The following FLNA variants were observed in gnomAD, a reference collection of about 807,000 sequenced individuals.
FLNA encodes the protein filamin A, also known as filamin-A.
In FLNA, 7 loss-of-function variants were observed where a neutral mutation model predicts 157.6. The observed-to-expected ratio is 0.04, with a 90% CI of 0.03 to 0.08. The LOEUF (loss-of-function observed/expected upper bound fraction) is 0.08, where lower values mean the gene tolerates loss of function less well. Ranked by LOEUF, FLNA falls within the 10% of genes least tolerant of loss-of-function variation. The pLI is 1.00. For synonymous variants in FLNA, 1,103 were observed against 1,060.8 expected, an observed-to-expected ratio of 1.04 and a Z score of -0.77; for missense variants, 1,750 against 2,398.4, an observed-to-expected ratio of 0.73 and a Z score of 5.65.
In FLNA at chrX:154,357,519, G is replaced by C. The variant is rs782019231; in HGVS notation, c.4860C>G (p.Ile1620Met). ...PDVTGRYTIL[I>M]KYGGDEIPFS... ...AGGGGATCTCGTCACCACCGTACTT[G>C]ATGAGGATGGTGTAGCGACCTGTCA... Residue 1620 changes from isoleucine to methionine, a missense_variant, in exon 29 of 48, where the codon ATC (isoleucine) becomes ATG (methionine). By Grantham distance (10) the Ile-to-Met change is conservative. Coordinates refer to ENST00000369850, the MANE Select transcript of FLNA (RefSeq NM_001110556.2). The C allele has an allele frequency of 1.7e-6, 2 of 1,211,045 alleles. No individual in the cohort carries two copies. The highest frequency in any genetic ancestry group is 4.3e-5 in the Admixed American group (2 of 46,171).
In FLNA at chrX:154,361,265, G is replaced by A. The variant is rs782766431; in HGVS notation, c.3207+43C>T. The A allele has an allele frequency of 1.1e-5, 13 of 1,184,772 alleles. No individual in the cohort carries two copies. In the South Asian group the frequency reaches 1.6e-4, roughly 15 times the overall value. On this transcript the variant is annotated intron_variant, in intron 21 of 47. Coordinates refer to ENST00000369850, the MANE Select transcript of FLNA (RefSeq NM_001110556.2). ...GGGGTACCTTTGGGGCCCTCAGAGA[G>A]CACAGTGGGTTCTACCCTTAGGGCC...
intron 19 of FLNA, 42 bp from the exon 20 acceptor site, chrX:154,361,829 A>C (rs782364400): frequency 2.7e-6 from 3 of 1,125,055 alleles, no homozygotes; most frequent in Non-Finnish European, 3.7e-6. Flanking sequence ...TAGAGACACC[A>C]GAATTGCTCC....
intron 9 of FLNA, 99 bp from the exon 10 acceptor site, chrX:154,365,585 G>A (rs2067752063): frequency 1.0e-6 from 1 of 1,000,563 alleles, no homozygotes; most frequent in Admixed American, 2.5e-5. Flanking sequence ...GGGTCCCTCA[G>A]AGCTTGGCTG....
Position 154,349,017 on chromosome X carries a change from C to G in FLNA, c.7776G>C (p.Val2592=), listed in dbSNP as rs369380495. The G allele has an allele frequency of 5.0e-6, 6 of 1,208,708 alleles. No homozygotes were observed. In the Admixed American group the frequency reaches 8.7e-5, roughly 18 times the overall value. The part of the protein sequence containing the change: ...CSKAGNNMLL[V]GVHGPRTPCE... ...AGGGGGTCCTTGGGCCATGAACCCC[C>G]ACCAGCAGCATGTTGTTGCCTGAGG... Residue 2592 remains valine (V), a synonymous_variant, in exon 48 of 48, where the codon GTG becomes GTC. Transcript: ENST00000369850.
Position 154,362,280 on chromosome X carries a change from C to G in FLNA, c.2618G>C (p.Ser873Thr). ...GCCAGGGCCCTCGGCCTTCACCTTA[C>G]TGGCGTCATGAGAGGGCTCCACCTT... ...RVKVEPSHDA[S>T]KVKAEGPGLS... The change falls in exon 18 of 48, where the codon AGT becomes ACT. Residue 873 changes from serine (S) to threonine (T), a missense_variant. By Grantham distance (58) the Ser-to-Thr change is moderately conservative. Around this residue, in one of 5 missense-constraint regions of FLNA, gnomAD observed 648 missense variants for 805.8 expected, o/e 0.80. Transcript: ENST00000369850. The G allele has an allele frequency of 8.3e-7, 1 of 1,211,596 alleles. No individual in the cohort carries two copies. Among genetic ancestry groups the G allele is most frequent in the Non-Finnish European group, 1.1e-6 (1 of 895,478 alleles).
rs781818080 is a variant in FLNA, at chrX:154,367,872, G to A, written c.592C>T (p.Leu198=). Residue 198 remains leucine, a synonymous_variant, in exon 3 of 48, where the codon CTG becomes TTG. Transcript: ENST00000369850. ...GCACAGCTGTCCACCAGGGCGCCCA[G>A]GGCCCGGCCGCTCTGCCAGTCCCGG... ...FSRDWQSGRA[L]GALVDSCAPG... 4.1e-6 allele frequency: 5 copies of A among 1,211,048 alleles called. No homozygotes were observed. The Admixed American group carries it at 1.1e-4, about 26-fold the overall frequency.
Position 154,361,875 on chromosome X carries a change from C to T in FLNA, c.2827-88G>A, listed in dbSNP as rs1300692770. 4.5e-6 allele frequency: 5 copies of T among 1,105,523 alleles called. No homozygotes were observed. In the Admixed American group the frequency reaches 8.8e-5, roughly 19 times the overall value. The allele number at this position is 1,105,523 out of a possible 1,213,427, so 91.1% of individuals were successfully genotyped here. On this transcript the variant is annotated intron_variant, in intron 19 of 47. Coordinates refer to ENST00000369850, the MANE Select transcript of FLNA (RefSeq NM_001110556.2). ...CCTGGACCTCCATGCCTGTCCTCTCCCAGGTAAGGAATGAGAGTGGGCAGA... is the reference window on the plus strand; with the variant it reads ...CCTGGACCTCCATGCCTGTCCTCTCTCAGGTAAGGAATGAGAGTGGGCAGA...
Position 154,353,391 on chromosome X carries a change from G to A in FLNA, c.5927C>T (p.Ser1976Leu). The change falls in exon 37 of 48, where the codon TCA becomes TTA. Residue 1976 changes from serine to leucine, a missense_variant. This residue lies in a region of FLNA where 970 missense variants were observed against 1,302.6 expected (regional missense o/e 0.74). Coordinates refer to ENST00000369850, the MANE Select transcript of FLNA (RefSeq NM_001110556.2). ...CGTCAGCAGGCTGAGATCCGTCTCT[G>A]AGATGTTGATGGGGATGTCGGCAGC... is the stretch of plus-strand genomic sequence containing the variant. ...GSAADIPINI[S>L]ETDLSLLTAT... 1.7e-6 allele frequency: 2 copies of A among 1,211,899 alleles called. No homozygotes were observed. Among genetic ancestry groups the A allele is most frequent in the Non-Finnish European group, 1.1e-6 (1 of 895,532 alleles).
In FLNA at chrX:154,364,648, G is replaced by A. The variant is rs111516546; in HGVS notation, c.1900C>T (p.Arg634Cys). 7.4e-6 allele frequency: 9 copies of A among 1,208,765 alleles called. No homozygotes were observed. In the African/African-American group the frequency reaches 1.1e-4, roughly 14 times the overall value. The change falls in exon 13 of 48, where the codon CGC (arginine) becomes TGC (cysteine). Residue 634 changes from arginine to cysteine, a missense_variant. Arg to Cys is a radical substitution (Grantham distance 180). This residue lies in a region of FLNA where 648 missense variants were observed against 805.8 expected (regional missense o/e 0.80). Transcript: ENST00000369850. ...DDKGDGSCDV[R>C]YWPQEAGEYA... is the part of the protein sequence containing the mutation. ...TCGCCAGCCTCCTGCGGCCAGTAGC[G>A]CACATCACAGGAGCCGTCGCCCTTG...
Position 154,352,328 on chromosome X carries a change from C to T in FLNA, c.6622G>A (p.Gly2208Ser). 1 of 1,212,142 alleles carries T rather than the reference C, an allele frequency of 8.2e-7. No individual in the cohort carries two copies. Among genetic ancestry groups the T allele is most frequent in the Non-Finnish European group, 1.1e-6 (1 of 895,628 alleles). Residue 2208 changes from glycine (G) to serine (S), a missense_variant, in exon 41 of 48, where the codon GGC becomes AGC. Gly to Ser is a moderately conservative substitution (Grantham distance 56). This residue lies in a region of FLNA where 970 missense variants were observed against 1,302.6 expected (regional missense o/e 0.74). Coordinates refer to ENST00000369850, the MANE Select transcript of FLNA (RefSeq NM_001110556.2). The stretch of plus-strand genomic sequence containing the variant: ...TACTTCACGCTGACTGTGTGTGTGC[C>T]CATCTCAGCGGGAACAAAGCGGATG... ...YCIRFVPAEM[G>S]THTVSVKYKG... is the part of the protein sequence containing the mutation.
Position 154,349,676 on chromosome X carries a change from C to T in FLNA, c.7525G>A (p.Gly2509Ser). The T allele has an allele frequency of 8.3e-7, 1 of 1,211,957 alleles. No homozygotes were observed. The highest frequency in any genetic ancestry group is 1.8e-5 in the South Asian group (1 of 57,047). Residue 2509 changes from glycine (G) to serine (S), a missense_variant, in exon 46 of 48, where the codon GGC becomes AGC. Around this residue, in one of 5 missense-constraint regions of FLNA, gnomAD observed 970 missense variants for 1,302.6 expected, o/e 0.74. Coordinates refer to ENST00000369850, the MANE Select transcript of FLNA (RefSeq NM_001110556.2). Reference sequence around the variant, plus strand: ...GTGACTTTGGCCTTGAAGGGGCTGCCCCCAATGTGGTAGGGGCCGCCGTAC... The same window carrying T: ...GTGACTTTGGCCTTGAAGGGGCTGCTCCCAATGTGGTAGGGGCCGCCGTAC... ...IKYGGPYHIG[G>S]SPFKAKVTGP...
In FLNA at chrX:154,351,755, G is replaced by A. The variant is rs782799340; in HGVS notation, c.6908-59C>T. 1.5e-4 allele frequency: 168 copies of A among 1,115,468 alleles called. 1 individual carries two copies. The South Asian group carries it at 1.8e-3, about 12-fold the overall frequency. 91.9% of individuals were successfully genotyped at this position (1,115,468 alleles called of 1,213,427 possible). A position where few individuals can be genotyped will look rare whatever the true frequency, so the allele number is the denominator to read the frequency against. The stretch of plus-strand genomic sequence containing the variant: ...AGCCTTTGGGCCTCCCACCTCCCAC[G>A]AACAGCCTGGGTGGCCCTGTGACCT... On this transcript the variant is annotated intron_variant, in intron 42 of 47. Transcript: ENST00000369850.
intron 26 of FLNA, 197 bp downstream of exon 26, chrX:154,358,787 G>C: frequency 3.4e-6 from 2 of 592,071 alleles, no homozygotes; most frequent in Non-Finnish European, 5.5e-6. Flanking sequence ...CATCTGCTCA[G>C]TGACCAGTCC....
intron 30 of FLNA, 47 bp downstream of exon 30, chrX:154,357,204 C>A (rs781930570): frequency 1.7e-6 from 2 of 1,171,883 alleles, no homozygotes; most frequent in South Asian, 3.6e-5. Flanking sequence ...GGAAGCTGCC[C>A]CTCTGGGCAG....
intron 44 of FLNA, 134 bp downstream of exon 44, chrX:154,350,775 A>C: frequency 1.4e-6 from 1 of 712,042 alleles, no homozygotes; most frequent in Non-Finnish European, 2.2e-6. Flanking sequence ...CAATTGGGAA[A>C]GGGTTGCCTG....
chrX:154,371,263 C>T lies in FLNA; in HGVS notation c.-18G>A. ...CTACTCATTTTGAGGCGCGAGAAGC[C>T]GGGGGGGCGGTGCTGCAGCCTCGGC... On this transcript the variant is annotated 5_prime_UTR_variant, in exon 2 of 48. Coordinates refer to ENST00000369850, the MANE Select transcript of FLNA (RefSeq NM_001110556.2). 1 of 1,196,857 alleles carries T rather than the reference C, an allele frequency of 8.4e-7. No individual in the cohort carries two copies.
intron 21 of FLNA, among the ~76,000 whole-genome samples, chrX:154,361,085 A>T (rs1603361416): frequency 7.2e-5 from 6 of 83,616 alleles, no homozygotes; most frequent in Admixed American, 1.3e-4. Context: ...AAAAAGAAAG[A>T]AAAAAAAAAA....
At chrX:154,361,046 C>CAAAAAAAAAAAAAAAAAAAAAAA (rs59672916) in intron 21 of FLNA, among the ~76,000 whole-genome samples, 13 of 19,986 alleles carry the variant, frequency 6.5e-4, no homozygotes, top group Non-Finnish European at 8.2e-4. Context: ...GACTCTTTCT[C>CAAAAAAAAAAAAAAAAAAAAAAA]AAAAAAAAAA....
At chrX:154,349,336 G>A (rs2077744499) in intron 47 of FLNA, 26 bp downstream of exon 47, 1 of 1,191,664 alleles carries the variant, frequency 8.4e-7, no homozygotes, top group Non-Finnish European at 1.1e-6. Flanking sequence ...TGGTGGGAAG[G>A]TGGGCCGGGG....
Sources: allele counts gnomAD v4.1 joint callset (sites outside exome capture counted in the v4.1 genomes callset), GRCh38; gene constraint gnomAD v4.1.1; regional missense constraint gnomAD v4.1.1; transcripts MANE v1.5; gene names NCBI Gene and HGNC (gene_info 2026-07-23, HGNC 2026-07-21).